Variants in TRERF1 observed in about 807,000 individuals in gnomAD.
TRERF1 encodes transcriptional-regulating factor 1.
A neutral mutation model predicts 122.9 loss-of-function variants in TRERF1; 27 were observed. The ratio of observed to expected loss-of-function variants is 0.22; its 90% confidence interval spans 0.16 to 0.30. TRERF1 has a LOEUF of 0.30. Among genes scored for constraint, TRERF1 ranks in the 10% least tolerant of loss-of-function variants. TRERF1 has a pLI of 1.00. For missense variants in TRERF1, 1,248 were observed against 1,560.3 expected, an observed-to-expected ratio of 0.80 and a Z score of 3.37; for synonymous variants, 636 against 641.7, an observed-to-expected ratio of 0.99 and a Z score of 0.13.
Position 42,268,036 on chromosome 6 carries a change from T to C in TRERF1, c.1437+118A>G, listed in dbSNP as rs1779519887. Reference sequence around the variant, plus strand: ...CGTGACACATGTAGGTTAATGTTTGTGGAATTAGTAAAGAACAAAAGGGTT... The same window carrying C: ...CGTGACACATGTAGGTTAATGTTTGCGGAATTAGTAAAGAACAAAAGGGTT... On this transcript the variant is annotated intron_variant, in intron 5 of 17. Coordinates refer to ENST00000372922, the Ensembl canonical transcript of TRERF1. The surrounding 1 kb of genome is among the most constrained non-coding windows in gnomAD (Gnocchi z 4.4). 8.2e-7 allele frequency: 1 copy of C among 1,225,646 alleles called. No individual in the cohort carries two copies. The highest frequency in any genetic ancestry group is 3.1e-5 in the South Asian group (1 of 32,160). The allele number at this position is 1,225,646 out of a possible 1,614,324, so 75.9% of individuals were successfully genotyped here. A position where few individuals can be genotyped will look rare whatever the true frequency, so the allele number is the denominator to read the frequency against.
At chr6:42,449,348 C>T (rs1020411549) in intron 2 of TRERF1, among the ~76,000 whole-genome samples, 4 of 152,138 alleles carry the variant, frequency 2.6e-5, no homozygotes, top group East Asian at 3.8e-4. Flanking sequence ...TGTGTCACTC[C>T]GGGTATCAAT....
At chr6:42,444,084 C>A (rs1298283785) in intron 2 of TRERF1, among the ~76,000 whole-genome samples, 4 of 151,928 alleles carry the variant, frequency 2.6e-5, no homozygotes, top group Non-Finnish European at 4.4e-5. Context: ...TTTCCACCCA[C>A]CTCCCATGCA....
intron 4 of TRERF1, among the ~76,000 whole-genome samples, chr6:42,282,583 C>CA (rs1782486598): frequency 6.6e-6 from 1 of 151,890 alleles, no homozygotes; most frequent in Non-Finnish European, 1.5e-5. Context: ...CAAAACAAAA[C>CA]AAAAAATCCA....
intron 2 of TRERF1, among the ~76,000 whole-genome samples, chr6:42,415,001 C>T (rs1781628844): frequency 6.6e-6 from 1 of 152,196 alleles, no homozygotes. Flanking sequence ...GCAATCGTAT[C>T]CATTTACTCT....
At chr6:42,347,393 C>T (rs1768499437) in intron 3 of TRERF1, among the ~76,000 whole-genome samples, 1 of 152,126 alleles carries the variant, frequency 6.6e-6, no homozygotes, top group African/African-American at 2.4e-5. Flanking sequence ...CTATGCCTTC[C>T]AAGAATTTAT....
rs778563729 is a variant in TRERF1, at chr6:42,350,991, T to A, written c.-371+12006A>T. ...CTCTCTCTCACTCTCTCCCTCTCTC[T>A]CACACACACAAACACACACACACAC... On this transcript the variant is annotated intron_variant, in intron 3 of 17. Transcript: ENST00000372922. Among the ~76,000 whole-genome samples the A allele has an allele frequency of 3.2e-4, 48 of 151,696 alleles. 1 individual carries two copies. The highest frequency in any genetic ancestry group is 2.4e-3 in the Admixed American group (37 of 15,186).
At chr6:42,438,294 AT>A (rs1785813509) in intron 2 of TRERF1, among the ~76,000 whole-genome samples, 1 of 151,016 alleles carries the variant, frequency 6.6e-6, no homozygotes, top group African/African-American at 2.4e-5. Flanking sequence ...GCCAGAGCAC[AT>A]TGCCTCACCT....
intron 3 of TRERF1, among the ~76,000 whole-genome samples, chr6:42,338,563 C>A (rs916954334): frequency 4.6e-5 from 7 of 152,190 alleles, no homozygotes; most frequent in Admixed American, 2.6e-4. Flanking sequence ...CTCTGGAAAG[C>A]AGCAGTGTTA....
chr6:42,287,952 C>T (rs1783565743), intron 4 of TRERF1, among the ~76,000 whole-genome samples: 1 of 152,172 alleles, frequency 6.6e-6, no homozygotes, highest in South Asian at 2.1e-4. Flanking sequence ...CACTCAGATA[C>T]ACCCTGAGCA....
At chr6:42,356,123 A>AG (rs2150888093) in intron 3 of TRERF1, among the ~76,000 whole-genome samples, 1 of 152,322 alleles carries the variant, frequency 6.6e-6, no homozygotes, top group East Asian at 1.9e-4. Flanking sequence ...TCTGCAGCCT[A>AG]GGATGCTTCC....
intron 3 of TRERF1, among the ~76,000 whole-genome samples, chr6:42,311,710 G>A (rs1761678221): frequency 2.1e-5 from 3 of 145,488 alleles, no homozygotes; most frequent in African/African-American, 7.7e-5. Flanking sequence ...AGGTTGCAGT[G>A]AGCCAAGATC....
At chr6:42,325,991 C>T (rs1276796826) in intron 3 of TRERF1, among the ~76,000 whole-genome samples, 2 of 152,148 alleles carry the variant, frequency 1.3e-5, no homozygotes, top group Non-Finnish European at 2.9e-5. Context: ...CACGGGTACA[C>T]ATGGATGAGA....
chr6:42,364,031 G>C (rs1317440549), intron 2 of TRERF1, among the ~76,000 whole-genome samples: 2 of 152,206 alleles, frequency 1.3e-5, no homozygotes, highest in Non-Finnish European at 2.9e-5. Flanking sequence ...CACTCCTGTA[G>C]TATTTCATCT....
intron 2 of TRERF1, among the ~76,000 whole-genome samples, chr6:42,403,995 C>T (rs919767923): frequency 2.0e-5 from 3 of 152,136 alleles, no homozygotes; most frequent in African/African-American, 7.2e-5. Context: ...TGGTGCCAGG[C>T]ATGTATGGGG....
chr6:42,417,953 G>T (rs1782088404), intron 2 of TRERF1, among the ~76,000 whole-genome samples: 1 of 152,172 alleles, frequency 6.6e-6, no homozygotes, highest in Admixed American at 6.5e-5. Flanking sequence ...AGGCTCTAAT[G>T]ACAGAGAGCA....
intron 4 of TRERF1, among the ~76,000 whole-genome samples, chr6:42,298,929 G>A (rs951318115): frequency 8.6e-5 from 13 of 151,970 alleles, no homozygotes; most frequent in Non-Finnish European, 1.3e-4. Context: ...AACAGAGAGA[G>A]ATTCCGTCTC....
chr6:42,300,797 T>G (rs1056316542), intron 3 of TRERF1, 48 bp from the exon 4 acceptor site: 1 of 152,638 alleles, frequency 6.6e-6, no homozygotes, highest in Non-Finnish European at 1.5e-5. Flanking sequence ...CATTTGCTCC[T>G]AGCTCTTCAT....
chr6:42,262,608 AC>A (rs1778388827), intron 8 of TRERF1, among the ~76,000 whole-genome samples: 2 of 104,246 alleles, frequency 1.9e-5, no homozygotes, highest in Non-Finnish European at 2.0e-5. Context: ...AGACAGACAG[AC>A]GGAAACCCTT....
intron 3 of TRERF1, among the ~76,000 whole-genome samples, chr6:42,357,251 C>T (rs1297825960): frequency 1.3e-5 from 2 of 150,206 alleles, no homozygotes; most frequent in Non-Finnish European, 3.0e-5. Context: ...ATCGCTTGAT[C>T]CCAGGAGGCA....
Sources: gnomAD v4.1 joint callset for allele counts (sites outside exome capture counted in the v4.1 genomes callset) on GRCh38, gnomAD v4.1.1 for gene constraint, Gnocchi (gnomAD v3.1) non-coding constraint, MANE v1.5 for transcripts, NCBI Gene and HGNC (gene_info 2026-07-23, HGNC 2026-07-21) for gene names.